Variants in A2ML1 observed in about 807,000 individuals in gnomAD.
A2ML1 encodes alpha-2-macroglobulin-like protein 1.
A2ML1 carries 161 observed loss-of-function variants against 181.9 expected under a neutral mutation model. The ratio of observed to expected loss-of-function variants is 0.89; its 90% CI spans 0.78 to 1.01. A2ML1 has a LOEUF of 1.01. Ranked by LOEUF, A2ML1 falls within the 50% of genes least tolerant of loss-of-function variation. The pLI, the probability that A2ML1 is intolerant of heterozygous loss-of-function variation, is 0.00. For missense variants in A2ML1, 1,670 were observed against 1,768.1 expected, an observed-to-expected ratio of 0.94 and a Z score of 1.00; for synonymous variants, 663 against 666.8, an observed-to-expected ratio of 0.99 and a Z score of 0.09.
rs1297937281 is a variant in A2ML1 at position 8,837,478 on chromosome 12, T to C, written c.767T>C (p.Val256Ala). The C allele has an allele frequency of 6.2e-7, 1 of 1,613,988 alleles. No homozygotes were observed. Among genetic ancestry groups the C allele is most frequent in the Non-Finnish European group, 8.5e-7 (1 of 1,179,984 alleles). ...AAGCCCATGCTAGGGGCAGTGCAGG[T>C]ATCTGTGTGTCAGAAGGCAAATACT... Reference protein sequence around the residue: ...YGKPMLGAVQVSVCQKANTYW... With the variant: ...YGKPMLGAVQASVCQKANTYW... Residue 256 changes from valine to alanine, a missense_variant, in exon 8 of 36, where the codon GTA (valine) becomes GCA (alanine). By Grantham distance (64) the Val-to-Ala change is moderately conservative. Coordinates refer to ENST00000299698, the MANE Select transcript of A2ML1 (RefSeq NM_144670.6).
chr12:8,868,226 C>T lies in A2ML1; in HGVS notation c.3934-4C>T. 1.9e-6 allele frequency: 3 copies of T among 1,613,904 alleles called. No individual in the cohort carries two copies. The highest frequency in any genetic ancestry group is 1.1e-5 in the South Asian group (1 of 90,948). ...TGATTTGGCTACCTATTTCTTCCTA[C>T]CAGACGGTGTTGAGATACAATATTC... On this transcript the variant is annotated splice_region_variant and splice_polypyrimidine_tract_variant and intron_variant, in intron 30 of 35. Transcript: ENST00000299698.
Position 8,874,529 on chromosome 12 carries a change from T to C in A2ML1, c.4324+2T>C, listed in dbSNP as rs755555630. 1.9e-5 allele frequency: 30 copies of C among 1,607,290 alleles called. No homozygotes were observed. The highest frequency in any genetic ancestry group is 8.3e-5 in the Admixed American group (5 of 59,978). On this transcript the variant is annotated splice_donor_variant, in intron 34 of 35. Transcript: ENST00000299698. LOFTEE classifies it high-confidence loss of function. ...AGGTCTATGACTACTACCTACCAGG[T>C]GAGAGGGCTGAGCTGAAATGAGATC...
Position 8,857,197 on chromosome 12 carries a change from A to G in A2ML1, c.2882A>G (p.Asp961Gly), listed in dbSNP as rs1944095695. The G allele has an allele frequency of 6.2e-7, 1 of 1,612,526 alleles. No homozygotes were observed. The highest frequency in any genetic ancestry group is 8.5e-7 in the Non-Finnish European group (1 of 1,179,998). ...DIMGTALQNL[D>G]GLVQMPSGCG... Reference sequence around the variant, plus strand: ...ATGGGCACAGCCCTGCAGAACCTGGATGGTCTGGTGCAGATGCCCAGTGGC... The same window carrying G: ...ATGGGCACAGCCCTGCAGAACCTGGGTGGTCTGGTGCAGATGCCCAGTGGC... The change falls in exon 24 of 36, where the codon GAT becomes GGT. Residue 961 changes from aspartate to glycine, a missense_variant. By Grantham distance (94) the Asp-to-Gly change is moderately conservative. Transcript: ENST00000299698.
Position 8,854,218 on chromosome 12 carries a change from G to A in A2ML1, c.2681G>A (p.Ser894Asn), listed in dbSNP as rs754026014. ...GGGTTTGTTCCCCAAAAGGGCCGAA[G>A]TGACACGCTCATCAAGCCAGTTCTC... The part of the protein sequence containing the change: ...QKGFVPQKGR[S>N]DTLIKPVLVK... The change falls in exon 21 of 36, where the codon AGT (serine) becomes AAT (asparagine). Residue 894 changes from serine (S) to asparagine (N), a missense_variant. Physicochemically the swap from Ser to Asn is conservative, Grantham distance 46 (BLOSUM62 1). Transcript: ENST00000299698. 2.4e-5 allele frequency: 38 copies of A among 1,609,000 alleles called. No homozygotes were observed. Among genetic ancestry groups the A allele is most frequent in the Non-Finnish European group, 3.2e-5 (38 of 1,177,574 alleles).
At chr12:8,880,457 G>A (rs1187943122), downstream of A2ML1, 5 of 152,050 alleles carry the variant, frequency 3.3e-5, no homozygotes, top group Non-Finnish European at 1.5e-5. Flanking sequence ...GGCGGGGTGG[G>A]GGCGTGGGTA....
intron 15 of A2ML1, 126 bp downstream of exon 15, chr12:8,847,824 G>A (rs1222923125): frequency 2.3e-6 from 3 of 1,287,900 alleles, no homozygotes; most frequent in African/African-American, 1.5e-5. Context: ...CGGTAAAAAG[G>A]CTGGTGTGAA....
rs767780421 is a variant in A2ML1, at chr12:8,855,604, G to A, written c.2848+12G>A. On this transcript the variant is annotated intron_variant, in intron 23 of 35. Transcript: ENST00000299698. ...TGTTACGGTTCTGGGTAAGCAGTTA[G>A]AGATTCTTGACTCAGAAAGGAAAAG... is the stretch of plus-strand genomic sequence containing the variant. The A allele has an allele frequency of 5.0e-6, 8 of 1,613,974 alleles. 1 individual carries two copies. In the South Asian group the frequency reaches 7.7e-5, roughly 16 times the overall value.
chr12:8,838,571 C>T (rs1045733182), intron 9 of A2ML1, 121 bp downstream of exon 9: 1 of 646,792 alleles, frequency 1.5e-6, no homozygotes, highest in Non-Finnish European at 2.5e-6. Flanking sequence ...TACCTTGTTC[C>T]TAGTTCATAG....
chr12:8,878,205 A>G (rs1254776356), downstream of A2ML1, among the ~76,000 whole-genome samples: 1 of 152,184 alleles, frequency 6.6e-6, no homozygotes, highest in African/African-American at 2.4e-5. The surrounding 1 kb of genome is among the most constrained non-coding windows in gnomAD (Gnocchi z 4.4). Flanking sequence ...GGGGAGGCTG[A>G]GGCAGGAGAA....
chr12:8,866,037 G>A (rs1004516616), intron 29 of A2ML1, among the ~76,000 whole-genome samples: 4 of 151,612 alleles, frequency 2.6e-5, no homozygotes, highest in African/African-American at 9.7e-5. Flanking sequence ...CCAAGTTTAG[G>A]CCAGGTGTGG....
intron 3 of A2ML1, among the ~76,000 whole-genome samples, chr12:8,828,201 C>T (rs1003360967): frequency 6.6e-6 from 1 of 152,204 alleles, no homozygotes; most frequent in African/African-American, 2.4e-5. Context: ...GTGGTGAGTT[C>T]CCCATGACCC....
chr12:8,873,944 C>G (rs779332736), intron 33 of A2ML1, among the ~76,000 whole-genome samples: 1 of 151,988 alleles, frequency 6.6e-6, no homozygotes, highest in Non-Finnish European at 1.5e-5. Context: ...CAGCAGGAGG[C>G]AATGTCTTTA....
chr12:8,880,365 T>TA (rs1402952906), downstream of A2ML1, among the ~76,000 whole-genome samples: 17 of 150,914 alleles, frequency 1.1e-4, no homozygotes, highest in African/African-American at 1.2e-4. Flanking sequence ...CAAGACTGTC[T>TA]AAAAAAAAGA....
intron 18 of A2ML1, among the ~76,000 whole-genome samples, chr12:8,850,496 C>T (rs937017790): frequency 6.6e-6 from 1 of 152,064 alleles, no homozygotes; most frequent in African/African-American, 2.4e-5. Flanking sequence ...TCACTTGAGT[C>T]TGGGAGGTGG....
intron 11 of A2ML1, among the ~76,000 whole-genome samples, chr12:8,842,362 G>A (rs1040761409): frequency 6.6e-6 from 1 of 151,472 alleles, no homozygotes; most frequent in Non-Finnish European, 1.5e-5. Context: ...GGGACTACAG[G>A]CGCCTGCCAC....
At chr12:8,838,736 C>A (rs935625204) in intron 9 of A2ML1, among the ~76,000 whole-genome samples, 3 of 151,644 alleles carry the variant, frequency 2.0e-5, no homozygotes, top group African/African-American at 4.8e-5. Flanking sequence ...CACGGTGAAA[C>A]CCTGTCTCTA....
chr12:8,837,155 G>T (rs1170019226), intron 7 of A2ML1, among the ~76,000 whole-genome samples: 2 of 152,122 alleles, frequency 1.3e-5, no homozygotes, highest in Non-Finnish European at 2.9e-5. Context: ...GAGAAGCTGG[G>T]ATTACAGGTG....
rs747836396 is a variant in A2ML1, at chr12:8,854,824, C to T, written c.2757C>T (p.Cys919=). ...LVEKTHSSLL[C]PKGKVASESV... is the part of the protein sequence containing the mutation. ...AGAAGACACACAGCTCATTGCTGTG[C>T]CCAAAAGGTGGGTGGACTCAGAGCA... The change falls in exon 22 of 36, where the codon TGC becomes TGT. Residue 919 remains cysteine, a synonymous_variant. Transcript: ENST00000299698. 39 of 1,613,796 alleles carry T rather than the reference C, an allele frequency of 2.4e-5. No homozygotes were observed. Among genetic ancestry groups the T allele is most frequent in the Non-Finnish European group, 3.3e-5 (39 of 1,179,992 alleles).
At chr12:8,851,710 T>C (rs925379840) in intron 18 of A2ML1, 74 bp from the exon 19 acceptor site, 12 of 1,442,868 alleles carry the variant, frequency 8.3e-6, no homozygotes, top group Non-Finnish European at 1.1e-5. Flanking sequence ...CCCACCGAAT[T>C]TGTGGCTTAA....
Sources: allele counts gnomAD v4.1 joint callset (sites outside exome capture counted in the v4.1 genomes callset), GRCh38; gene constraint gnomAD v4.1.1; non-coding constraint Gnocchi (gnomAD v3.1); transcripts MANE v1.5; gene names NCBI Gene and HGNC (gene_info 2026-07-23, HGNC 2026-07-21).